Variants in C12orf42 observed in about 807,000 individuals in gnomAD.
C12orf42 encodes the protein uncharacterized protein C12orf42.
C12orf42 carries 25 observed loss-of-function variants against 21.6 expected under a neutral mutation model. That is an observed-to-expected ratio of 1.16 (90% confidence interval 0.84 to 1.62). The LOEUF (loss-of-function observed/expected upper bound fraction) is 1.62, where lower values mean the gene tolerates loss of function less well. Ranked by LOEUF, C12orf42 falls within the 40% of genes most tolerant of loss-of-function variation. The probability of loss-of-function intolerance (pLI) is 0.00; values close to 1 mark genes in which losing one functional copy is unlikely to be tolerated. For missense variants in C12orf42, 483 were observed against 459.3 expected (o/e 1.05, Z -0.47); for synonymous variants, 174 against 175.0 (o/e 0.99, Z 0.05).
At chr12:103,499,377 T>C (rs1166082233), upstream of C12orf42, among the ~76,000 whole-genome samples, 1 of 152,198 alleles carries the variant, frequency 6.6e-6, no homozygotes, top group Non-Finnish European at 1.5e-5. Context: ...ATGTAGAAAG[T>C]TTTTATTTGT....
chr12:103,445,753 G>A (rs1337017972), intron 2 of C12orf42, among the ~76,000 whole-genome samples: 3 of 151,968 alleles, frequency 2.0e-5, no homozygotes, highest in African/African-American at 7.3e-5. Context: ...AATTCTTTAA[G>A]TACTATACTT....
chr12:103,465,896 T>C (rs7972044), intron 2 of C12orf42, among the ~76,000 whole-genome samples: 31,905 of 152,146 alleles, frequency 0.21, 3,843 homozygotes, highest in East Asian at 0.35. Context: ...TAATGAATTA[T>C]GTATATTGAT....
chr12:103,531,662 T>C, the C12orf42 span, among the ~76,000 whole-genome samples: 2 of 152,350 alleles, frequency 1.3e-5, no homozygotes, highest in African/African-American at 4.8e-5. Context: ...TTCACATTCA[T>C]CAAAATATAT....
chr12:103,127,662 A>G, the C12orf42 span, among the ~76,000 whole-genome samples: 1 of 152,190 alleles, frequency 6.6e-6, no homozygotes, highest in African/African-American at 2.4e-5. Context: ...ACAGGGTGGT[A>G]ATAACAGCAT....
the C12orf42 span, among the ~76,000 whole-genome samples, chr12:103,563,507 T>C: frequency 7.4e-3 from 1,125 of 152,364 alleles, 12 homozygotes; most frequent in African/African-American, 0.025. Flanking sequence ...AATAGGCATT[T>C]CTTGCTCAGA....
intron 3 of C12orf42, among the ~76,000 whole-genome samples, chr12:103,393,032 C>T (rs1284215769): frequency 6.6e-6 from 1 of 152,176 alleles, no homozygotes; most frequent in African/African-American, 2.4e-5. Context: ...TCTACTCCTC[C>T]TGATAATCTT....
intron 2 of C12orf42, among the ~76,000 whole-genome samples, chr12:103,444,186 GCTT>G (rs1482273550): frequency 5.3e-5 from 8 of 151,924 alleles, no homozygotes; most frequent in African/African-American, 1.7e-4. Flanking sequence ...TAATTTGCTA[GCTT>G]CTTAAGTTGA....
At chr12:103,156,783 T>C in the C12orf42 span, among the ~76,000 whole-genome samples, 2 of 152,238 alleles carry the variant, frequency 1.3e-5, no homozygotes, top group African/African-American at 4.8e-5. Flanking sequence ...GCTTCATCCA[T>C]GTCCCTGCAA....
intron 2 of C12orf42, among the ~76,000 whole-genome samples, chr12:103,443,351 C>T (rs988348378): frequency 6.6e-6 from 1 of 151,996 alleles, no homozygotes; most frequent in Admixed American, 6.6e-5. Flanking sequence ...TATCCAGTGA[C>T]CTTCTAAGCC....
intron 4 of C12orf42, among the ~76,000 whole-genome samples, chr12:103,280,786 A>T (rs979386112): frequency 4.6e-5 from 7 of 152,248 alleles, no homozygotes; most frequent in Admixed American, 3.9e-4. Context: ...AGTCCACCAC[A>T]CGAACCTATG....
At chr12:103,529,069 G>GA in the C12orf42 span, among the ~76,000 whole-genome samples, 5 of 151,590 alleles carry the variant, frequency 3.3e-5, no homozygotes, top group South Asian at 8.4e-4. Context: ...AAACAACAAC[G>GA]AAAAAAAACG....
chr12:103,049,869 C>T, the C12orf42 span, among the ~76,000 whole-genome samples: 3,824 of 152,210 alleles, frequency 0.025, 152 homozygotes, highest in African/African-American at 0.087. Context: ...AAGTCCTTCC[C>T]CAACCACCCT....
intron 1 of C12orf42, chr12:103,495,634 TCGGTC>T (rs1298088742): frequency 3.4e-5 from 5 of 145,766 alleles, no homozygotes; most frequent in Admixed American, 2.7e-4. Context: ...CGTGTGCGTC[TCGGTC>T]CGGGCCGAGG....
At chr12:103,298,988 A>G (rs1345357224), downstream of C12orf42, among the ~76,000 whole-genome samples, 2 of 152,184 alleles carry the variant, frequency 1.3e-5, no homozygotes, top group Non-Finnish European at 2.9e-5. Flanking sequence ...GTTCTCTACT[A>G]TATAATCAGG....
At chr12:103,207,109 A>G in the C12orf42 span, among the ~76,000 whole-genome samples, 15 of 152,228 alleles carry the variant, frequency 9.9e-5, no homozygotes, top group African/African-American at 1.9e-4. Context: ...GAGTCAGTGC[A>G]TGATTTGTCA....
the C12orf42 span, among the ~76,000 whole-genome samples, chr12:103,068,996 T>C: frequency 8.8e-6 from 1 of 113,120 alleles, no homozygotes; most frequent in Non-Finnish European, 1.8e-5. Context: ...TATATAATCC[T>C]ATTAGTTCTG....
the C12orf42 span, among the ~76,000 whole-genome samples, chr12:103,143,679 T>C: frequency 2.0e-5 from 3 of 152,234 alleles, no homozygotes; most frequent in Non-Finnish European, 4.4e-5. Context: ...TTCTAAGAAG[T>C]GTCTACAGAG....
the C12orf42 span, among the ~76,000 whole-genome samples, chr12:103,218,666 G>T: frequency 6.6e-6 from 1 of 152,120 alleles, no homozygotes; most frequent in Non-Finnish European, 1.5e-5. Context: ...GTGACAAGTG[G>T]CTCAGGATTT....
chr12:103,085,926 C>T, the C12orf42 span, among the ~76,000 whole-genome samples: 1 of 152,156 alleles, frequency 6.6e-6, no homozygotes, highest in African/African-American at 2.4e-5. Context: ...TAATAGCTGA[C>T]TTGCCAATTT....
Sources: gnomAD v4.1 joint callset for allele counts (sites outside exome capture counted in the v4.1 genomes callset) on GRCh38, gnomAD v4.1.1 for gene constraint, MANE v1.5 for transcripts, NCBI Gene and HGNC (gene_info 2026-07-23, HGNC 2026-07-21) for gene names.